The following TRERF1 variants were observed in gnomAD, a reference collection of about 807,000 sequenced individuals.
The protein encoded by TRERF1 is transcriptional regulating factor 1, also known as transcriptional-regulating factor 1.
Under a neutral mutation model 122.9 loss-of-function variants are expected in TRERF1, and 27 were observed. The ratio of observed to expected loss-of-function variants is 0.22; its 90% CI spans 0.16 to 0.30. The LOEUF is 0.30. Among genes scored for constraint, TRERF1 ranks in the 10% least tolerant of loss-of-function variants. The pLI, the probability that TRERF1 is intolerant of heterozygous loss-of-function variation, is 1.00. For missense variants in TRERF1, 1,248 were observed against 1,560.3 expected (o/e 0.80, Z 3.37); for synonymous variants, 636 against 641.7 (o/e 0.99, Z 0.13).
chr6:42,367,704 C>T (rs545070066), intron 2 of TRERF1, among the ~76,000 whole-genome samples: 1 of 152,294 alleles, frequency 6.6e-6, no homozygotes, highest in South Asian at 2.1e-4. Flanking sequence ...TCACCCCCTC[C>T]TGCTCTCTCT....
intron 4 of TRERF1, among the ~76,000 whole-genome samples, chr6:42,299,698 A>G (rs1363943459): frequency 6.6e-6 from 1 of 152,206 alleles, no homozygotes; most frequent in Non-Finnish European, 1.5e-5. Flanking sequence ...TTAAGAAAAA[A>G]AGTTGCAGAG....
chr6:42,307,084 C>G (rs1787398023), intron 3 of TRERF1, among the ~76,000 whole-genome samples: 1 of 152,134 alleles, frequency 6.6e-6, no homozygotes, highest in South Asian at 2.1e-4. Context: ...AGAAGAGGAC[C>G]TTGGCTTATG....
chr6:42,229,129 T>C (rs1770022505), intron 17 of TRERF1, among the ~76,000 whole-genome samples: 1 of 148,384 alleles, frequency 6.7e-6, no homozygotes. Flanking sequence ...GTTGGTTTTG[T>C]TGTTGTTGTT....
intron 3 of TRERF1, among the ~76,000 whole-genome samples, chr6:42,320,824 A>T (rs1000899517): frequency 6.6e-6 from 1 of 152,124 alleles, no homozygotes; most frequent in Non-Finnish European, 1.5e-5. Context: ...AATTTTTTTT[A>T]AAAGGCATAA....
chr6:42,339,283 C>T (rs1388870812), intron 3 of TRERF1, among the ~76,000 whole-genome samples: 1 of 152,178 alleles, frequency 6.6e-6, no homozygotes, highest in Non-Finnish European at 1.5e-5. Flanking sequence ...TCCTGTCCTC[C>T]ACGTCTCTCC....
At position 42,275,658 on chromosome 6, in the gene TRERF1, C is replaced by T. The variant is rs1320823187; in HGVS notation, c.-258-5810G>A. 6.6e-6 allele frequency among the ~76,000 whole-genome samples: 1 copy of T among 152,264 alleles called. No homozygotes were observed. Among genetic ancestry groups the T allele is most frequent in the Non-Finnish European group, 1.5e-5 (1 of 68,048 alleles). Reference sequence around the variant, plus strand: ...GAGACCTAGAGTGGCTTGTTCCCCTCTGCAGGTCCCATGCCTCTGACATGG... The same window carrying T: ...GAGACCTAGAGTGGCTTGTTCCCCTTTGCAGGTCCCATGCCTCTGACATGG... On this transcript the variant is annotated intron_variant, in intron 4 of 17. Transcript: ENST00000372922. This position sits in a 1 kb window ranked among gnomAD's most constrained non-coding sequence, Gnocchi z 4.1.
chr6:42,271,460 T>G (rs1347851891), intron 4 of TRERF1, among the ~76,000 whole-genome samples: 3 of 152,164 alleles, frequency 2.0e-5, no homozygotes, highest in African/African-American at 7.2e-5. Flanking sequence ...CAACAATATT[T>G]TATTTCTAGA....
intron 4 of TRERF1, among the ~76,000 whole-genome samples, chr6:42,283,743 A>T (rs1782717658): frequency 6.7e-6 from 1 of 150,086 alleles, no homozygotes; most frequent in Non-Finnish European, 1.5e-5. Flanking sequence ...CAGCCTCCCG[A>T]GTAGCTGGGA....
At chr6:42,273,607 G>A (rs1298125458) in intron 4 of TRERF1, among the ~76,000 whole-genome samples, 2 of 152,176 alleles carry the variant, frequency 1.3e-5, no homozygotes, top group Non-Finnish European at 2.9e-5. Flanking sequence ...ATAAAGTCAG[G>A]TGCAGGAGTT....
chr6:42,251,994 C>T (rs1018937366), intron 13 of TRERF1, among the ~76,000 whole-genome samples: 2 of 152,204 alleles, frequency 1.3e-5, no homozygotes, highest in African/African-American at 4.8e-5. Flanking sequence ...CATGCTTGGC[C>T]CTTCCCAACC....
At chr6:42,389,466 A>G (rs1254603385) in intron 2 of TRERF1, among the ~76,000 whole-genome samples, 1 of 152,236 alleles carries the variant, frequency 6.6e-6, no homozygotes, top group Non-Finnish European at 1.5e-5. Flanking sequence ...ACTTTGGGTC[A>G]CTGCTGGAGG....
At chr6:42,319,012 G>C (rs976430053) in intron 3 of TRERF1, among the ~76,000 whole-genome samples, 6 of 152,194 alleles carry the variant, frequency 3.9e-5, no homozygotes, top group Non-Finnish European at 1.5e-5. Flanking sequence ...ATCGCTTTTG[G>C]GCCAAGGTGG....
At chr6:42,402,389 A>T (rs549072824) in intron 2 of TRERF1, among the ~76,000 whole-genome samples, 23 of 152,186 alleles carry the variant, frequency 1.5e-4, no homozygotes, top group Non-Finnish European at 2.8e-4. Flanking sequence ...AGTTTGTTCC[A>T]TCCACATGAA....
rs972889823 is a variant in TRERF1 at position 42,231,339 on chromosome 6, C to T, written c.3278+1342G>A. Among the ~76,000 whole-genome samples the T allele has an allele frequency of 8.5e-5, 13 of 152,308 alleles. No homozygotes were observed. In the East Asian group the frequency reaches 2.5e-3, roughly 29 times the overall value. On this transcript the variant is annotated intron_variant, in intron 17 of 17. Transcript: ENST00000372922. ...AAATTTATTTTCTTTATAAATTATC[C>T]AGTCAGTGATATTCTGTTGTAGCAA...
intron 13 of TRERF1, 59 bp downstream of exon 13, chr6:42,254,792 G>T: frequency 2.0e-6 from 3 of 1,509,660 alleles, no homozygotes; most frequent in South Asian, 2.3e-5. Context: ...TGACACAACC[G>T]AACATGCAAG....
At chr6:42,348,202 T>C (rs775135775) in intron 3 of TRERF1, among the ~76,000 whole-genome samples, 12 of 145,880 alleles carry the variant, frequency 8.2e-5, no homozygotes, top group East Asian at 1.9e-4. Context: ...CACACACACA[T>C]ACACACACAC....
chr6:42,417,097 C>T (rs1332299989), intron 2 of TRERF1, among the ~76,000 whole-genome samples: 1 of 152,126 alleles, frequency 6.6e-6, no homozygotes, highest in Non-Finnish European at 1.5e-5. Flanking sequence ...TTCTCACCAA[C>T]AGACTCACAA....
In TRERF1 at chr6:42,370,500, C is replaced by T. The variant is rs982443940; in HGVS notation, c.-453-7421G>A. Among the ~76,000 whole-genome samples, 15 of 152,198 alleles carry T rather than the reference C, an allele frequency of 9.9e-5. No individual in the cohort carries two copies. In the South Asian group the frequency reaches 1.4e-3, roughly 15 times the overall value. On this transcript the variant is annotated intron_variant, in intron 2 of 17. Transcript: ENST00000372922. ...TTGGGAGGCTAAGGCAAGGGAATCACTTGAGTGCCTGGGCAACATAGCAAG... is the reference window on the plus strand; with the variant it reads ...TTGGGAGGCTAAGGCAAGGGAATCATTTGAGTGCCTGGGCAACATAGCAAG...
chr6:42,403,292 G>T (rs1293542362), intron 2 of TRERF1, among the ~76,000 whole-genome samples: 2 of 151,962 alleles, frequency 1.3e-5, no homozygotes, highest in Non-Finnish European at 2.9e-5. Context: ...TTGGAAATAG[G>T]GTCTTTGCAG....
Sources: allele counts gnomAD v4.1 joint callset (sites outside exome capture counted in the v4.1 genomes callset), GRCh38; gene constraint gnomAD v4.1.1; non-coding constraint Gnocchi (gnomAD v3.1); transcripts MANE v1.5; gene names NCBI Gene and HGNC (gene_info 2026-07-23, HGNC 2026-07-21).